The following LAMC1 variants were observed in gnomAD, a reference collection of about 807,000 sequenced individuals.
The protein encoded by LAMC1 is laminin subunit gamma 1.
Under a neutral mutation model 173.6 loss-of-function variants are expected in LAMC1, and 38 were observed. The ratio of observed to expected loss-of-function variants is 0.22; its 90% CI spans 0.17 to 0.29. LAMC1 has a LOEUF of 0.29. Ranked by LOEUF, LAMC1 falls within the 10% of genes least tolerant of loss-of-function variation. The pLI is 1.00. For synonymous variants in LAMC1, 746 were observed against 749.1 expected (o/e 1.00, Z 0.07); for missense variants, 1,824 against 2,051.8 (o/e 0.89, Z 2.14).
intron 2 of LAMC1, among the ~76,000 whole-genome samples, chr1:183,103,890 T>G (rs1655901380): frequency 6.6e-6 from 1 of 152,196 alleles, no homozygotes; most frequent in Admixed American, 6.5e-5. Flanking sequence ...ACTTTACACA[T>G]TTTTTAAAAA....
intron 1 of LAMC1, among the ~76,000 whole-genome samples, chr1:183,075,065 A>G (rs1655091483): frequency 6.6e-6 from 1 of 152,010 alleles, no homozygotes; most frequent in Admixed American, 6.6e-5. Flanking sequence ...TTAAAATTAT[A>G]GATACATTTG....
chr1:183,114,890 C>G (rs939129871), intron 5 of LAMC1, among the ~76,000 whole-genome samples, 171 bp downstream of exon 5: 1 of 152,196 alleles, frequency 6.6e-6, no homozygotes, highest in Admixed American at 6.5e-5. Context: ...CCTTTTTTAA[C>G]CAAGTTGAAC....
chr1:183,133,279 A>T, intron 21 of LAMC1, 127 bp from the exon 22 acceptor site: 4 of 770,794 alleles, frequency 5.2e-6, no homozygotes, highest in South Asian at 2.0e-5. Flanking sequence ...ATTAAAATGC[A>T]AGCATTTTAA....
chr1:183,054,507 C>T (rs998943717), intron 1 of LAMC1, among the ~76,000 whole-genome samples: 1 of 152,094 alleles, frequency 6.6e-6, no homozygotes, highest in Non-Finnish European at 1.5e-5. Context: ...CTAATGGCAA[C>T]GATACTATAA....
At chr1:183,134,602 C>T in intron 22 of LAMC1, 58 bp from the exon 23 acceptor site, 16 of 1,420,836 alleles carry the variant, frequency 1.1e-5, no homozygotes, top group Non-Finnish European at 1.5e-5. Context: ...CTAAGCCTAC[C>T]TTTTCATTAG....
At chr1:183,107,401 G>A (rs1656007880) in intron 2 of LAMC1, among the ~76,000 whole-genome samples, 1 of 152,056 alleles carries the variant, frequency 6.6e-6, no homozygotes, top group Admixed American at 6.6e-5. Context: ...GTGATATTGT[G>A]GGGAGGGTCA....
rs1405862874 is a variant in LAMC1, at chr1:183,116,877, A to G, written c.1538A>G (p.Tyr513Cys). 1.2e-6 allele frequency: 2 copies of G among 1,613,922 alleles called. No homozygotes were observed. The highest frequency in any genetic ancestry group is 1.7e-5 in the Admixed American group (1 of 59,996). ...ACAAACGCTGTTGGCTACAGTGTTT[A>G]TTCTATCTCCTCTACCTTTCAGATT... ...VCTNAVGYSVYSISSTFQIDE... is the reference protein window; with the variant it reads ...VCTNAVGYSVCSISSTFQIDE... The change falls in exon 8 of 28, where the codon TAT becomes TGT. Residue 513 changes from tyrosine (Y) to cysteine (C), a missense_variant. Coordinates refer to ENST00000258341, the MANE Select transcript of LAMC1 (RefSeq NM_002293.4).
chr1:183,130,513 A>G lies in LAMC1; in HGVS notation c.3450A>G (p.Arg1150=), dbSNP rs781361750. Residue 1150 remains arginine, a synonymous_variant, in exon 19 of 28, where the codon AGA becomes AGG. Transcript: ENST00000258341. The part of the protein sequence containing the change: ...NTERLIEIAS[R]ELEKAKVAAA... ...AGCGGTTGATTGAAATCGCATCCAG[A>G]GAACTTGAGAAAGCAAAAGTCGCTG... 1.2e-6 allele frequency: 2 copies of G among 1,614,214 alleles called. No individual in the cohort carries two copies. The highest frequency in any genetic ancestry group is 2.2e-5 in the East Asian group (1 of 44,888).
chr1:183,103,414 G>C lies in LAMC1; in HGVS notation c.505G>C (p.Asp169His), dbSNP rs1445460564. 1 of 1,614,210 alleles carries C rather than the reference G, an allele frequency of 6.2e-7. No individual in the cohort carries two copies. The highest frequency in any genetic ancestry group is 2.2e-5 in the East Asian group (1 of 44,890). ...SFAIYKRTRE[D>H]GPWIPYQYYS... Reference sequence around the variant, plus strand: ...TGCCATTTACAAGCGCACACGGGAAGACGGGCCCTGGATTCCTTACCAGTA... The same window carrying C: ...TGCCATTTACAAGCGCACACGGGAACACGGGCCCTGGATTCCTTACCAGTA... Residue 169 changes from aspartate (D) to histidine (H), a missense_variant, in exon 2 of 28, where the codon GAC becomes CAC. By Grantham distance (81) the Asp-to-His change is moderately conservative (BLOSUM62 -1). Coordinates refer to ENST00000258341, the MANE Select transcript of LAMC1 (RefSeq NM_002293.4).
At chr1:183,091,068 A>G (rs1558044769) in intron 1 of LAMC1, among the ~76,000 whole-genome samples, 1 of 152,194 alleles carries the variant, frequency 6.6e-6, no homozygotes, top group Non-Finnish European at 1.5e-5. Context: ...GGGGTATCAA[A>G]TGTAATGGAA....
chr1:183,090,883 C>T (rs1245603848), intron 1 of LAMC1, among the ~76,000 whole-genome samples: 1 of 152,070 alleles, frequency 6.6e-6, no homozygotes, highest in African/African-American at 2.4e-5. Context: ...GTGTTGTTTT[C>T]CTTGTCTTTC....
chr1:183,095,134 C>T (rs368505096), intron 1 of LAMC1, among the ~76,000 whole-genome samples: 6 of 152,196 alleles, frequency 3.9e-5, no homozygotes, highest in East Asian at 3.9e-4. Flanking sequence ...TGTGAGCCAC[C>T]GCGCCCGGTG....
intron 6 of LAMC1, among the ~76,000 whole-genome samples, 187 bp from the exon 7 acceptor site, chr1:183,116,390 T>C (rs2102083420): frequency 6.6e-6 from 1 of 151,660 alleles, no homozygotes; most frequent in African/African-American, 2.4e-5. Context: ...GGCAGGAGAA[T>C]CTCTTGAACC....
In LAMC1 at chr1:183,092,464, A is replaced by C. The variant is rs187222684; in HGVS notation, c.419-10864A>C. On this transcript the variant is annotated intron_variant, in intron 1 of 27. Coordinates refer to ENST00000258341, the MANE Select transcript of LAMC1 (RefSeq NM_002293.4). ...AATACAGAGTTTGGGACCTCACCCA[A>C]AACCTACCAAAATGAAACTTGTGGA... is the stretch of plus-strand genomic sequence containing the variant. 1.7e-3 allele frequency among the ~76,000 whole-genome samples: 253 copies of C among 151,756 alleles called. 3 individuals are homozygous for C. Among genetic ancestry groups the C allele is most frequent in the African/African-American group, 5.0e-3 (208 of 41,380 alleles).
intron 1 of LAMC1, among the ~76,000 whole-genome samples, chr1:183,072,696 G>A (rs1170103802): frequency 1.3e-5 from 2 of 152,218 alleles, no homozygotes; most frequent in African/African-American, 4.8e-5. Flanking sequence ...CAGCAGGCAA[G>A]CGAGCGAAGC....
chr1:183,115,479 T>C (rs1571449982), intron 5 of LAMC1, 41 bp from the exon 6 acceptor site: 8 of 1,348,902 alleles, frequency 5.9e-6, no homozygotes, highest in Non-Finnish European at 8.5e-6. Context: ...CTTACGTATC[T>C]GGCCGAATTT....
At chr1:183,077,528 A>G (rs536404273) in intron 1 of LAMC1, among the ~76,000 whole-genome samples, 25 of 151,896 alleles carry the variant, frequency 1.6e-4, no homozygotes, top group Non-Finnish European at 2.2e-4. Context: ...ACCACACCCT[A>G]TTTGTAATCT....
At chr1:183,035,650 G>A (rs149665461) in intron 1 of LAMC1, among the ~76,000 whole-genome samples, 2 of 152,172 alleles carry the variant, frequency 1.3e-5, no homozygotes, top group Non-Finnish European at 2.9e-5. Flanking sequence ...TGCTCTACCT[G>A]TGAAAAGAAA....
chr1:183,064,747 C>T (rs968069212), intron 1 of LAMC1, among the ~76,000 whole-genome samples: 1 of 152,132 alleles, frequency 6.6e-6, no homozygotes, highest in Admixed American at 6.5e-5. Flanking sequence ...TGTACTGTAT[C>T]GTTCATTATG....
Sources: gnomAD v4.1 joint callset for allele counts (sites outside exome capture counted in the v4.1 genomes callset) on GRCh38, gnomAD v4.1.1 for gene constraint, MANE v1.5 for transcripts, NCBI Gene and HGNC (gene_info 2026-07-23, HGNC 2026-07-21) for gene names.